ARHGEF26: variants seen among roughly 807,000 people sequenced by gnomAD.
ARHGEF26 encodes Rho guanine nucleotide exchange factor (GEF) 26.
Under a neutral mutation model 89.4 loss-of-function variants are expected in ARHGEF26, and 59 were observed. That is an observed-to-expected ratio of 0.66 (90% CI 0.54 to 0.82). The LOEUF (loss-of-function observed/expected upper bound fraction) is 0.82. Ranked by LOEUF, ARHGEF26 falls within the 40% of genes least tolerant of loss-of-function variation. The pLI, the probability that ARHGEF26 is intolerant of heterozygous loss-of-function variation, is 0.00. For missense variants in ARHGEF26, 1,234 were observed against 1,085.6 expected, an observed-to-expected ratio of 1.14 and a Z score of -1.92; for synonymous variants, 500 against 428.4, an observed-to-expected ratio of 1.17 and a Z score of -2.06.
rs1354408815 is a variant in ARHGEF26 at position 154,130,080 on chromosome 3, C to CATGT, written c.1269+371_1269+374dup. 2.0e-5 allele frequency among the ~76,000 whole-genome samples: 3 copies of CATGT among 150,110 alleles called. No homozygotes were observed. The East Asian group carries it at 5.9e-4, about 30-fold the overall frequency. ...TTATGTATGTATGCGTGTATATGTA[C>CATGT]ATGTATGTATGTACCTGTATATGTA... On this transcript the variant is annotated intron_variant, in intron 4 of 14. Coordinates refer to ENST00000465093, the MANE Select transcript of ARHGEF26 (RefSeq NM_015595.4).
intron 9 of ARHGEF26, among the ~76,000 whole-genome samples, chr3:154,212,959 C>T (rs1715471057): frequency 6.6e-6 from 1 of 152,088 alleles, no homozygotes; most frequent in Admixed American, 6.5e-5. Flanking sequence ...GCACATCTAA[C>T]CATTTCTAAA....
chr3:154,130,984 T>C lies in ARHGEF26; in HGVS notation c.1269+1265T>C, dbSNP rs112660767. Among the ~76,000 whole-genome samples the C allele has an allele frequency of 4.6e-3, 700 of 152,322 alleles. 3 individuals carry two copies. The highest frequency in any genetic ancestry group is 5.6e-3 in the Non-Finnish European group (382 of 68,024). ...CTACCTTCCCTCTTCTAACCTGTATTGGAATTCAAAATTCAATACACCAAG... is the reference window on the plus strand; with the variant it reads ...CTACCTTCCCTCTTCTAACCTGTATCGGAATTCAAAATTCAATACACCAAG... On this transcript the variant is annotated intron_variant, in intron 4 of 14. Transcript: ENST00000465093.
intron 6 of ARHGEF26, among the ~76,000 whole-genome samples, chr3:154,181,113 G>A (rs1232773141): frequency 1.3e-5 from 2 of 152,130 alleles, no homozygotes; most frequent in Non-Finnish European, 2.9e-5. Flanking sequence ...TCAACCTTCA[G>A]TGTCAATGTG....
At chr3:154,146,769 C>G (rs1438498892) in intron 4 of ARHGEF26, among the ~76,000 whole-genome samples, 1 of 152,052 alleles carries the variant, frequency 6.6e-6, no homozygotes, top group Non-Finnish European at 1.5e-5. Context: ...TGTTCATTTT[C>G]TTGTTTTATT....
rs1017411555 is a variant in ARHGEF26, at chr3:154,121,848, A to C, written c.-51-94A>C. 5.9e-5 allele frequency: 67 copies of C among 1,141,528 alleles called. No homozygotes were observed. The East Asian group carries it at 1.7e-3, about 29-fold the overall frequency. The allele number at this position is 1,141,528 out of a possible 1,614,324, so 70.7% of individuals were successfully genotyped here. On this transcript the variant is annotated intron_variant, in intron 1 of 14. Coordinates refer to ENST00000465093, the MANE Select transcript of ARHGEF26 (RefSeq NM_015595.4). ...AGTGCGGTGCAGTCGTGTCCTGCGCAGCAGCAGGGGGACCGCCGGTCTGGG... is the reference window on the plus strand; with the variant it reads ...AGTGCGGTGCAGTCGTGTCCTGCGCCGCAGCAGGGGGACCGCCGGTCTGGG...
rs149889643 is a variant in ARHGEF26, at chr3:154,138,827, C to G, written c.1269+9108C>G. ...CATGAAGTTCTGTCTATGGCAGGCC[C>G]TGGAGATAGAGCAAGAACAGACTCC... On this transcript the variant is annotated intron_variant, in intron 4 of 14. Transcript: ENST00000465093. Among the ~76,000 whole-genome samples, 686 of 152,278 alleles carry G rather than the reference C, an allele frequency of 4.5e-3. 13 individuals are homozygous for G. Among genetic ancestry groups the G allele is most frequent in the African/African-American group, 0.016 (645 of 41,546 alleles).
At chr3:154,250,108 G>A (rs1241318634) in intron 12 of ARHGEF26, among the ~76,000 whole-genome samples, 4 of 152,004 alleles carry the variant, frequency 2.6e-5, no homozygotes, top group South Asian at 4.2e-4. Context: ...TTGGCTCACC[G>A]CAACCTCCGC....
In ARHGEF26 at chr3:154,122,219, C is replaced by T. The variant is rs2108027817; in HGVS notation, c.227C>T (p.Thr76Met). ...GTGCCCACCGCCTCGGACAGCAGGA[C>T]GGTACATAGGAGCCCCCTGCTTCTG... is the stretch of plus-strand genomic sequence containing the variant. Reference protein sequence around the residue: ...AQVPTASDSRTVHRSPLLLGA... With the variant: ...AQVPTASDSRMVHRSPLLLGA... The change falls in exon 2 of 15, where the codon ACG becomes ATG. Residue 76 changes from threonine (T) to methionine (M), a missense_variant. Coordinates refer to ENST00000465093, the MANE Select transcript of ARHGEF26 (RefSeq NM_015595.4). 1 of 1,608,116 alleles carries T rather than the reference C, an allele frequency of 6.2e-7. No individual in the cohort carries two copies. The highest frequency in any genetic ancestry group is 1.3e-5 in the African/African-American group (1 of 74,856).
intron 9 of ARHGEF26, among the ~76,000 whole-genome samples, chr3:154,210,659 G>A (rs903089851): frequency 6.6e-6 from 1 of 151,528 alleles, no homozygotes; most frequent in Non-Finnish European, 1.5e-5. Flanking sequence ...ACGTTGTCTG[G>A]GGCCAGGCAC....
At chr3:154,164,182 C>T (rs1459370885) in intron 6 of ARHGEF26, among the ~76,000 whole-genome samples, 1 of 151,952 alleles carries the variant, frequency 6.6e-6, no homozygotes, top group Non-Finnish European at 1.5e-5. Context: ...AGCAACCTCA[C>T]AGCAAAATAT....
At chr3:154,124,531 A>G (rs1319712172) in intron 3 of ARHGEF26, 82 bp downstream of exon 3, 7 of 1,228,816 alleles carry the variant, frequency 5.7e-6, no homozygotes, top group Non-Finnish European at 6.7e-6. Flanking sequence ...TGCAGTAACA[A>G]AAATGCTTAC....
At chr3:154,184,913 T>C (rs2108170506) in intron 6 of ARHGEF26, among the ~76,000 whole-genome samples, 1 of 152,334 alleles carries the variant, frequency 6.6e-6, no homozygotes, top group East Asian at 1.9e-4. Flanking sequence ...TGTGCCCTTG[T>C]TCCTCCTGGA....
rs1469077156 is a variant in ARHGEF26, at chr3:154,210,045, A to T, written c.1846-7824A>T. On this transcript the variant is annotated intron_variant, in intron 9 of 14. Transcript: ENST00000465093. The stretch of plus-strand genomic sequence containing the variant: ...GCCACCACCACCCCAGGCCACAAGG[A>T]GTACTGCCTGACTACTGTTGATGTT... Among the ~76,000 whole-genome samples the T allele has an allele frequency of 2.6e-5, 4 of 152,160 alleles. No individual in the cohort carries two copies. In the East Asian group the frequency reaches 7.7e-4, roughly 29 times the overall value.
At chr3:154,184,676 G>T (rs1713409210) in intron 6 of ARHGEF26, among the ~76,000 whole-genome samples, 1 of 152,120 alleles carries the variant, frequency 6.6e-6, no homozygotes, top group South Asian at 2.1e-4. Context: ...CCCACTACCA[G>T]GCTTTATTGT....
In ARHGEF26 at chr3:154,256,151, T is replaced by C. The variant is rs1016524856; in HGVS notation, c.*678T>C. The C allele has an allele frequency of 4.1e-6, 4 of 985,060 alleles. No homozygotes were observed. Among genetic ancestry groups the C allele is most frequent in the South Asian group, 4.7e-5 (1 of 21,268 alleles). The allele number at this position is 985,060 out of a possible 1,614,324, so 61.0% of individuals were successfully genotyped here. On this transcript the variant is annotated 3_prime_UTR_variant, in exon 15 of 15. Transcript: ENST00000465093. ...ACCCCATATTGTTCTTAAATAAGTA[T>C]AGACTAATTAACCTAAGCTACCTTT...
chr3:154,146,114 C>T (rs1228909814), intron 4 of ARHGEF26, among the ~76,000 whole-genome samples: 2 of 152,164 alleles, frequency 1.3e-5, no homozygotes, highest in African/African-American at 4.8e-5. Context: ...ATTTATTTCT[C>T]ACAGTATTGG....
intron 4 of ARHGEF26, among the ~76,000 whole-genome samples, chr3:154,132,749 A>G (rs1576684155): frequency 6.6e-6 from 1 of 152,092 alleles, no homozygotes; most frequent in Non-Finnish European, 1.5e-5. Context: ...GTGTGTGTAT[A>G]TATAGAGTTG....
chr3:154,204,761 A>C (rs184506178), intron 9 of ARHGEF26, among the ~76,000 whole-genome samples: 1 of 152,200 alleles, frequency 6.6e-6, no homozygotes, highest in Non-Finnish European at 1.5e-5. Flanking sequence ...ACATTTCCTT[A>C]ATTTTTTCTT....
chr3:154,239,289 A>G (rs1212635957), intron 11 of ARHGEF26, among the ~76,000 whole-genome samples: 2 of 103,590 alleles, frequency 1.9e-5, no homozygotes, highest in Admixed American at 1.0e-4. Context: ...AGAGAGAGAG[A>G]GAGAGAGAGA....
Sources: allele counts gnomAD v4.1 joint callset (sites outside exome capture counted in the v4.1 genomes callset), GRCh38; gene constraint gnomAD v4.1.1; transcripts MANE v1.5; gene names NCBI Gene and HGNC (gene_info 2026-07-23, HGNC 2026-07-21).